Variants in ADGRL2 observed in about 807,000 individuals in gnomAD.
ADGRL2 encodes the protein adhesion G protein-coupled receptor L2.
A neutral mutation model predicts 157.4 loss-of-function variants in ADGRL2; 44 were observed. The observed-to-expected ratio is 0.28, with a 90% confidence interval of 0.22 to 0.36. The LOEUF (loss-of-function observed/expected upper bound fraction) is 0.36. ADGRL2 is among the 10% of genes least tolerant of loss of function. ADGRL2 has a pLI of 1.00. For missense variants in ADGRL2, 1,510 were observed against 1,768.9 expected, an observed-to-expected ratio of 0.85 and a Z score of 2.63; for synonymous variants, 585 against 624.7, an observed-to-expected ratio of 0.94 and a Z score of 0.95.
chr1:81,343,158 G>A (rs545061401), intron 1 of ADGRL2, among the ~76,000 whole-genome samples: 4 of 133,746 alleles, frequency 3.0e-5, no homozygotes, highest in East Asian at 2.1e-4. Context: ...GTCCAGTCTC[G>A]GTTCACTGCA....
chr1:81,848,508 A>G (rs533604001), intron 2 of ADGRL2, among the ~76,000 whole-genome samples: 1 of 152,006 alleles, frequency 6.6e-6, no homozygotes, highest in African/African-American at 2.4e-5. Context: ...ATATTTTCCT[A>G]TCTCAGCAGG....
At chr1:81,789,633 G>T (rs897712817) in intron 2 of ADGRL2, among the ~76,000 whole-genome samples, 1 of 147,336 alleles carries the variant, frequency 6.8e-6, no homozygotes, top group Non-Finnish European at 1.5e-5. Context: ...TGCTGAGGCA[G>T]GAGAACTGCT....
intron 2 of ADGRL2, among the ~76,000 whole-genome samples, chr1:81,882,441 C>G: frequency 6.6e-6 from 1 of 152,046 alleles, no homozygotes; most frequent in East Asian, 1.9e-4. Context: ...TTTCTGCAAA[C>G]TGTGTCCAGA....
chr1:81,459,617 A>T (rs1353701367), intron 2 of ADGRL2, among the ~76,000 whole-genome samples: 1 of 152,210 alleles, frequency 6.6e-6, no homozygotes, highest in South Asian at 2.1e-4. Context: ...TATTGTAAAT[A>T]ATGTGGCAAC....
At chr1:81,980,825 T>C (rs762863109) in intron 18 of ADGRL2, 2 of 720,322 alleles carry the variant, frequency 2.8e-6, no homozygotes, top group Admixed American at 3.5e-5. Flanking sequence ...GCTACTATAA[T>C]ACGGACTTAC....
chr1:81,497,401 T>C (rs1404472554), intron 2 of ADGRL2, among the ~76,000 whole-genome samples: 1 of 152,184 alleles, frequency 6.6e-6, no homozygotes, highest in East Asian at 1.9e-4. Flanking sequence ...CTATGGTTTT[T>C]TTTTTAACAA....
intron 17 of ADGRL2, 74 bp from the exon 18 acceptor site, chr1:81,979,795 C>G: frequency 1.2e-6 from 1 of 834,990 alleles, no homozygotes; most frequent in Non-Finnish European, 2.0e-6. Flanking sequence ...AAACATGGAT[C>G]GATACATTTG....
chr1:81,779,035 C>T (rs2149374351), intron 2 of ADGRL2, among the ~76,000 whole-genome samples: 1 of 152,206 alleles, frequency 6.6e-6, no homozygotes, highest in African/African-American at 2.4e-5. Flanking sequence ...ATTATAATCC[C>T]TTTATTTTGT....
intron 1 of ADGRL2, among the ~76,000 whole-genome samples, chr1:81,709,464 C>G (rs970853571): frequency 4.6e-5 from 7 of 152,120 alleles, no homozygotes; most frequent in African/African-American, 1.7e-4. Flanking sequence ...ACAGAGTTAT[C>G]AAGAAGATAT....
chr1:81,863,649 G>A (rs2093451753), intron 2 of ADGRL2, among the ~76,000 whole-genome samples: 1 of 152,166 alleles, frequency 6.6e-6, no homozygotes, highest in African/African-American at 2.4e-5. Context: ...TTAGTATAAA[G>A]TGAGATTTAA....
chr1:81,960,702 T>C (rs1233937408), intron 11 of ADGRL2, among the ~76,000 whole-genome samples: 2 of 152,122 alleles, frequency 1.3e-5, no homozygotes, highest in Non-Finnish European at 2.9e-5. Flanking sequence ...CTTGAATTCC[T>C]GATCAGGTGA....
At chr1:81,459,368 T>A (rs1387295824) in intron 2 of ADGRL2, among the ~76,000 whole-genome samples, 3 of 152,160 alleles carry the variant, frequency 2.0e-5, no homozygotes, top group Non-Finnish European at 4.4e-5. Context: ...CATTCTACCC[T>A]GCATCTGTGA....
intron 1 of ADGRL2, among the ~76,000 whole-genome samples, chr1:81,700,794 C>A (rs979952080): frequency 6.6e-6 from 1 of 152,148 alleles, no homozygotes; most frequent in African/African-American, 2.4e-5. Flanking sequence ...TCACAATTGT[C>A]GAACATTAGC....
intron 1 of ADGRL2, among the ~76,000 whole-genome samples, chr1:81,316,142 AG>A (rs752004842): frequency 7.5e-6 from 1 of 134,060 alleles, no homozygotes; most frequent in African/African-American, 3.2e-5. Flanking sequence ...AAAAAAAAAA[AG>A]AAAAAAGAAG....
chr1:81,762,744 T>A (rs1049655573), intron 2 of ADGRL2, among the ~76,000 whole-genome samples: 1 of 151,964 alleles, frequency 6.6e-6, no homozygotes, highest in South Asian at 2.1e-4. Context: ...TGGCAGTATA[T>A]CTTGGGCTTA....
intron 2 of ADGRL2, among the ~76,000 whole-genome samples, chr1:81,847,105 A>T (rs888668516): frequency 7.2e-5 from 11 of 151,868 alleles, no homozygotes; most frequent in Admixed American, 2.0e-4. Flanking sequence ...AGGAAGGCTC[A>T]TTCAGGGAAG....
At chr1:81,676,691 T>C (rs111591936) in intron 3 of ADGRL2, among the ~76,000 whole-genome samples, 1 of 151,974 alleles carries the variant, frequency 6.6e-6, no homozygotes, top group South Asian at 2.1e-4. Flanking sequence ...TATTTTATTT[T>C]ATTTTATTTT....
At chr1:81,761,136 A>C (rs2149306350) in intron 1 of ADGRL2, among the ~76,000 whole-genome samples, 1 of 152,026 alleles carries the variant, frequency 6.6e-6, no homozygotes, top group Non-Finnish European at 1.5e-5. Flanking sequence ...TATAGTTTGA[A>C]ATTTTAGCTA....
chr1:81,389,315 A>G (rs995159770), intron 1 of ADGRL2, among the ~76,000 whole-genome samples: 1 of 152,182 alleles, frequency 6.6e-6, no homozygotes, highest in Non-Finnish European at 1.5e-5. Context: ...AGTCAGAGTC[A>G]TATCCAAAAC....
Sources: allele counts gnomAD v4.1 joint callset (sites outside exome capture counted in the v4.1 genomes callset), GRCh38; gene constraint gnomAD v4.1.1; transcripts MANE v1.5; gene names NCBI Gene and HGNC (gene_info 2026-07-23, HGNC 2026-07-21).